Variants in RBFOX1 observed in about 807,000 individuals in gnomAD.
RBFOX1 encodes the protein RNA binding protein fox-1 homolog 1.
RBFOX1 carries 8 observed loss-of-function variants against 57.7 expected under a neutral mutation model. That is an observed-to-expected ratio of 0.14 (90% CI 0.08 to 0.25). The LOEUF (loss-of-function observed/expected upper bound fraction) is 0.25. Among genes scored for constraint, RBFOX1 ranks in the 10% least tolerant of loss-of-function variants. The probability of loss-of-function intolerance (pLI) is 1.00; values close to 1 mark genes in which losing one functional copy is unlikely to be tolerated. For synonymous variants in RBFOX1, 326 were observed against 222.4 expected, an observed-to-expected ratio of 1.47 and a Z score of -4.15; for missense variants, 611 against 548.5, an observed-to-expected ratio of 1.11 and a Z score of -1.14.
chr16:7,538,910 A>G (rs2082194718), intron 5 of RBFOX1, among the ~76,000 whole-genome samples: 1 of 135,188 alleles, frequency 7.4e-6, no homozygotes, highest in Non-Finnish European at 1.5e-5. Flanking sequence ...TCCTCACAGC[A>G]TGGAGTTCTA....
intron 3 of RBFOX1, among the ~76,000 whole-genome samples, chr16:5,807,740 A>G (rs79966860): frequency 0.014 from 2,159 of 152,250 alleles, 60 homozygotes; most frequent in African/African-American, 0.049. Flanking sequence ...AACAGACTCA[A>G]GAAGGAGCTG....
chr16:7,070,701 T>C (rs1018950709), intron 4 of RBFOX1, among the ~76,000 whole-genome samples: 1 of 152,216 alleles, frequency 6.6e-6, no homozygotes, highest in African/African-American at 2.4e-5. Context: ...TTAGTAATAA[T>C]ACTTTTCTAA....
intron 3 of RBFOX1, among the ~76,000 whole-genome samples, chr16:7,046,192 C>T (rs1456063569): frequency 6.6e-6 from 1 of 151,524 alleles, no homozygotes; most frequent in Non-Finnish European, 1.5e-5. Context: ...ACAGGTGTTC[C>T]ATTTTGACTT....
At position 5,274,013 on chromosome 16, in the gene RBFOX1, G is replaced by C. The variant is rs141241968; in HGVS notation, c.219+33908G>C. 3.8e-3 allele frequency among the ~76,000 whole-genome samples: 584 copies of C among 152,320 alleles called. 2 individuals are homozygous for C. Among genetic ancestry groups the C allele is most frequent in the African/African-American group, 0.013 (558 of 41,572 alleles). ...ACATCCGGGTGTGCTGGAGGAAAAT[G>C]TATTCCCTCTCAGGTTTGTGGGGAA... On this transcript the variant is annotated intron_variant, in intron 1 of 2. Transcript: ENST00000585867.
intron 2 of RBFOX1, chr16:6,483,756 C>T (rs1300224315): frequency 4.2e-6 from 6 of 1,420,192 alleles, no homozygotes; most frequent in African/African-American, 1.4e-5. Context: ...AGAGGAGCAG[C>T]CGTCAGCCGC....
intron 1 of RBFOX1, among the ~76,000 whole-genome samples, chr16:6,077,879 T>A (rs977084757): frequency 1.3e-5 from 2 of 152,050 alleles, no homozygotes; most frequent in African/African-American, 4.8e-5. Flanking sequence ...CGGTTGTGAC[T>A]AATGTTAGGA....
chr16:7,673,892 G>A (rs1054117587), intron 13 of RBFOX1, among the ~76,000 whole-genome samples: 20 of 152,080 alleles, frequency 1.3e-4, no homozygotes, highest in Admixed American at 6.5e-5. Flanking sequence ...AAATGATCTC[G>A]GAAGACCAGG....
chr16:6,806,658 T>C lies in RBFOX1; in HGVS notation c.-16+152008T>C, dbSNP rs569967232. On this transcript the variant is annotated intron_variant, in intron 3 of 15. Transcript: ENST00000550418. ...CCTACACGCGGTAACAGATTTGTAT[T>C]ATATGCGCTAAAATGATAATATTGA... 1.4e-4 allele frequency among the ~76,000 whole-genome samples: 21 copies of C among 151,754 alleles called. No individual in the cohort carries two copies. In the East Asian group the frequency reaches 3.5e-3, roughly 25 times the overall value.
intron 4 of RBFOX1, among the ~76,000 whole-genome samples, chr16:5,960,613 C>T (rs1408015237): frequency 6.6e-6 from 1 of 152,092 alleles, no homozygotes; most frequent in Non-Finnish European, 1.5e-5. Context: ...GTTCACAGAG[C>T]AGTCATATCT....
intron 3 of RBFOX1, among the ~76,000 whole-genome samples, chr16:7,001,220 G>C (rs987652057): frequency 6.6e-6 from 1 of 152,046 alleles, no homozygotes. Context: ...CTGAAGCTCT[G>C]TTGTTGGCCA....
chr16:7,710,831 A>G lies in RBFOX1; in HGVS notation c.*86A>G, dbSNP rs2083897146. On this transcript the variant is annotated 3_prime_UTR_variant, in exon 16 of 16. Coordinates refer to ENST00000550418, the MANE Select transcript of RBFOX1 (RefSeq NM_018723.4). ...ATTGCAATACATGCAGTAGTACATC[A>G]TTTTAGCAACTCTAAAAAAAAAAAA... is the stretch of plus-strand genomic sequence containing the variant. The G allele has an allele frequency of 8.9e-7, 1 of 1,128,168 alleles. No individual in the cohort carries two copies. Among genetic ancestry groups the G allele is most frequent in the African/African-American group, 1.8e-5 (1 of 56,614 alleles). 69.9% of individuals were successfully genotyped at this position (1,128,168 alleles called of 1,614,324 possible).
intron 4 of RBFOX1, among the ~76,000 whole-genome samples, chr16:7,436,466 C>G (rs917948419): frequency 5.9e-5 from 9 of 152,198 alleles, no homozygotes; most frequent in African/African-American, 2.2e-4. Context: ...CTGTCAAACA[C>G]AGGTGGAGAC....
At chr16:5,685,539 G>A (rs1440370471) in intron 3 of RBFOX1, among the ~76,000 whole-genome samples, 1 of 152,348 alleles carries the variant, frequency 6.6e-6, no homozygotes, top group Non-Finnish European at 1.5e-5. Context: ...GTTGGAGAAT[G>A]CAGTTGCATT....
chr16:7,324,073 A>G (rs893835799), intron 4 of RBFOX1, among the ~76,000 whole-genome samples: 1 of 152,078 alleles, frequency 6.6e-6, no homozygotes, highest in African/African-American at 2.4e-5. Flanking sequence ...AGGTGCTTTT[A>G]TATGCTAATA....
At chr16:6,956,967 A>T (rs2081973579) in intron 3 of RBFOX1, among the ~76,000 whole-genome samples, 1 of 152,068 alleles carries the variant, frequency 6.6e-6, no homozygotes, top group African/African-American at 2.4e-5. Flanking sequence ...ACAAGAAAGA[A>T]TTCAGGGCAA....
intron 5 of RBFOX1, among the ~76,000 whole-genome samples, chr16:7,552,015 G>T (rs534999028): frequency 6.6e-6 from 1 of 152,226 alleles, no homozygotes; most frequent in East Asian, 1.9e-4. Flanking sequence ...CATTCTCTAT[G>T]ATGTTCAGGG....
At chr16:6,378,556 G>A (rs1305963661) in intron 2 of RBFOX1, among the ~76,000 whole-genome samples, 1 of 152,268 alleles carries the variant, frequency 6.6e-6, no homozygotes, top group East Asian at 1.9e-4. Context: ...TGGAGTGGGA[G>A]TGTGCACATG....
At chr16:6,403,188 A>G (rs1567200420) in intron 2 of RBFOX1, among the ~76,000 whole-genome samples, 1 of 152,264 alleles carries the variant, frequency 6.6e-6, no homozygotes, top group East Asian at 1.9e-4. Flanking sequence ...ACAGACTTGC[A>G]GGCCTGTATT....
chr16:6,651,346 G>T (rs2098593842), intron 2 of RBFOX1, among the ~76,000 whole-genome samples: 1 of 151,376 alleles, frequency 6.6e-6, no homozygotes, highest in African/African-American at 2.4e-5. Context: ...TTTCTTTAAA[G>T]ACGTCCCATT....
Sources: gnomAD v4.1 joint callset for allele counts (sites outside exome capture counted in the v4.1 genomes callset) on GRCh38, gnomAD v4.1.1 for gene constraint, MANE v1.5 for transcripts, NCBI Gene and HGNC (gene_info 2026-07-23, HGNC 2026-07-21) for gene names.